BCAT1: variants seen among roughly 807,000 people sequenced by gnomAD.
The protein encoded by BCAT1 is branched chain amino acid transaminase 1.
BCAT1 carries 48 observed loss-of-function variants against 52.4 expected under a neutral mutation model. The observed-to-expected ratio is 0.92, with a 90% CI of 0.73 to 1.16. The LOEUF (loss-of-function observed/expected upper bound fraction) is 1.16. Among genes scored for constraint, BCAT1 ranks in the 50% most tolerant of loss-of-function variants. The pLI, the probability that BCAT1 is intolerant of heterozygous loss-of-function variation, is 0.00. For missense variants in BCAT1, 451 were observed against 457.1 expected, an observed-to-expected ratio of 0.99 and a Z score of 0.12; for synonymous variants, 167 against 161.3, an observed-to-expected ratio of 1.04 and a Z score of -0.27.
intron 10 of BCAT1, among the ~76,000 whole-genome samples, 160 bp downstream of exon 10, chr12:24,829,663 T>C (rs1245067836): frequency 4.6e-5 from 7 of 152,166 alleles, no homozygotes; most frequent in Non-Finnish European, 4.4e-5. Flanking sequence ...CCACACATTG[T>C]GTTGGGAATA....
At chr12:24,943,615 T>C (rs1402650160) in intron 1 of BCAT1, among the ~76,000 whole-genome samples, 2 of 152,172 alleles carry the variant, frequency 1.3e-5, no homozygotes, top group East Asian at 3.8e-4. Flanking sequence ...TTTGCTCTTT[T>C]ATTTGTATTA....
chr12:24,936,727 A>T (rs113050950), intron 1 of BCAT1, among the ~76,000 whole-genome samples: 25,956 of 100,502 alleles, frequency 0.26, 4,179 homozygotes, highest in Middle Eastern at 0.42. Flanking sequence ...TCTCTCTCAC[A>T]CACACACACA....
intron 2 of BCAT1, 149 bp downstream of exon 2, chr12:24,901,665 T>C: frequency 1.3e-6 from 1 of 780,858 alleles, no homozygotes; most frequent in East Asian, 2.7e-5. Flanking sequence ...ATGGCTTTTT[T>C]TCCTCTAAGA....
chr12:24,914,681 CAAG>C (rs2139708150), intron 1 of BCAT1, among the ~76,000 whole-genome samples: 1 of 152,318 alleles, frequency 6.6e-6, no homozygotes, highest in South Asian at 2.1e-4. Context: ...ATCAGGTGTT[CAAG>C]TAAACCTTCT....
chr12:24,906,172 A>G (rs537027153), intron 1 of BCAT1, among the ~76,000 whole-genome samples: 2 of 151,964 alleles, frequency 1.3e-5, no homozygotes, highest in East Asian at 3.9e-4. Flanking sequence ...TGGGTGACAC[A>G]GTGAGACACC....
At chr12:24,904,575 C>T (rs1158441005) in intron 1 of BCAT1, 1 of 152,288 alleles carries the variant, frequency 6.6e-6, no homozygotes, top group Admixed American at 6.5e-5. Context: ...TAAATAAGGT[C>T]TCTAATAGCC....
intron 5 of BCAT1, among the ~76,000 whole-genome samples, chr12:24,853,524 T>C (rs1203482263): frequency 6.6e-6 from 1 of 152,180 alleles, no homozygotes; most frequent in Middle Eastern, 3.2e-3. Context: ...ATGAGATCCT[T>C]AGAAGCTAAA....
chr12:24,938,870 A>T (rs980934918), intron 1 of BCAT1, among the ~76,000 whole-genome samples: 17 of 151,272 alleles, frequency 1.1e-4, no homozygotes, highest in African/African-American at 4.1e-4. Flanking sequence ...TTTGCTATTT[A>T]TTTATTTATT....
intron 1 of BCAT1, among the ~76,000 whole-genome samples, chr12:24,905,631 T>C (rs1031143502): frequency 6.6e-6 from 1 of 152,210 alleles, no homozygotes; most frequent in East Asian, 1.9e-4. Flanking sequence ...AATTTCTTCA[T>C]TCAAGAAGTG....
intron 3 of BCAT1, among the ~76,000 whole-genome samples, chr12:24,892,163 A>G (rs1164794893): frequency 6.6e-6 from 1 of 151,746 alleles, no homozygotes; most frequent in Non-Finnish European, 1.5e-5. Flanking sequence ...CCCAGCCCCT[A>G]TTCAGGATGG....
intron 5 of BCAT1, among the ~76,000 whole-genome samples, chr12:24,857,170 T>C (rs1941713962): frequency 6.6e-6 from 1 of 152,232 alleles, no homozygotes. Flanking sequence ...GTTTGATATC[T>C]ATGTGACCTT....
chr12:24,875,568 A>G (rs1165511578), intron 5 of BCAT1, among the ~76,000 whole-genome samples: 1 of 152,226 alleles, frequency 6.6e-6, no homozygotes, highest in Non-Finnish European at 1.5e-5. Flanking sequence ...GATAGAGTGT[A>G]TAGTGAAAGA....
At chr12:24,835,771 T>G (rs1565453356) in intron 8 of BCAT1, among the ~76,000 whole-genome samples, 1 of 152,096 alleles carries the variant, frequency 6.6e-6, no homozygotes, top group East Asian at 1.9e-4. Context: ...TTGATTTTTT[T>G]GTAGATTCGG....
chr12:24,878,470 A>T, intron 5 of BCAT1, 60 bp downstream of exon 5: 1 of 1,477,798 alleles, frequency 6.8e-7, no homozygotes, highest in Non-Finnish European at 9.1e-7. Flanking sequence ...AGTTTCAAAC[A>T]ACAATAAACA....
Position 24,946,934 on chromosome 12 carries a change from G to C in BCAT1, c.6+1993C>G, listed in dbSNP as rs555750321. 2.1e-4 allele frequency among the ~76,000 whole-genome samples: 32 copies of C among 152,200 alleles called. No individual in the cohort carries two copies. The South Asian group carries it at 4.8e-3, about 23-fold the overall frequency. ...AAAATATTTTTCCCCTTTTCTCTCT[G>C]TAGTTCTGAAATCCAGTGAAATTAC... On this transcript the variant is annotated intron_variant, in intron 1 of 10. Coordinates refer to ENST00000261192, the MANE Select transcript of BCAT1 (RefSeq NM_005504.7).
rs1591806001 is a variant in BCAT1 at position 24,850,046 on chromosome 12, A to G, written c.511-97T>C. ...TTATATCTGTCTCCCAGAAGAAGCC[A>G]TCGAATTACAGGAGCTATTACCATA... On this transcript the variant is annotated intron_variant, in intron 5 of 10. Transcript: ENST00000261192. The G allele has an allele frequency of 2.6e-6, 3 of 1,168,464 alleles. No individual in the cohort carries two copies. In the East Asian group the frequency reaches 7.9e-5, roughly 31 times the overall value. The allele number at this position is 1,168,464 out of a possible 1,614,324, so 72.4% of individuals were successfully genotyped here. A position where few individuals can be genotyped will look rare whatever the true frequency, so the allele number is the denominator to read the frequency against.
At chr12:24,945,217 T>TCA (rs1168067872) in intron 1 of BCAT1, among the ~76,000 whole-genome samples, 1 of 152,200 alleles carries the variant, frequency 6.6e-6, no homozygotes, top group East Asian at 1.9e-4. Context: ...ACATTGTGAG[T>TCA]CACTGACAAG....
rs1433593842 is a variant in BCAT1 at position 24,812,921 on chromosome 12, T to G, written c.*5087A>C. On this transcript the variant is annotated 3_prime_UTR_variant, in exon 11 of 11. Transcript: ENST00000261192. ...TTACATAAACTGAACATCATGCAAC[T>G]CAAGTTATACGTCTTGTTGATTGGG... 6.6e-6 allele frequency: 1 copy of G among 151,962 alleles called. No homozygotes were observed. Among genetic ancestry groups the G allele is most frequent in the African/African-American group, 2.4e-5 (1 of 41,428 alleles). 9.4% of individuals were successfully genotyped at this position (151,962 alleles called of 1,614,324 possible). A position where few individuals can be genotyped will look rare whatever the true frequency, so the allele number is the denominator to read the frequency against.
chr12:24,913,599 CCCAA>C (rs767445013), intron 1 of BCAT1, among the ~76,000 whole-genome samples: 3 of 152,286 alleles, frequency 2.0e-5, no homozygotes, highest in East Asian at 1.9e-4. Flanking sequence ...CACTCTATTC[CCCAA>C]CAGACAATGC....
Sources: allele counts gnomAD v4.1 joint callset (sites outside exome capture counted in the v4.1 genomes callset), GRCh38; gene constraint gnomAD v4.1.1; transcripts MANE v1.5; gene names NCBI Gene and HGNC (gene_info 2026-07-23, HGNC 2026-07-21).